The following TMIGD2 variants were observed in gnomAD, a reference collection of about 807,000 sequenced individuals.
The protein encoded by TMIGD2 is transmembrane and immunoglobulin domain containing 2, also known as transmembrane and immunoglobulin domain-containing protein 2.
In TMIGD2, 18 loss-of-function variants were observed where a neutral mutation model predicts 22.6. That is an observed-to-expected ratio of 0.80 (90% CI 0.55 to 1.18). TMIGD2 has a LOEUF of 1.18. Ranked by LOEUF, TMIGD2 falls within the 50% of genes most tolerant of loss-of-function variation. TMIGD2 has a pLI of 0.00. For synonymous variants in TMIGD2, 184 were observed against 154.1 expected, an observed-to-expected ratio of 1.19 and a Z score of -1.44; for missense variants, 361 against 378.2, an observed-to-expected ratio of 0.95 and a Z score of 0.38.
At chr19:4,292,915 C>G in intron 4 of TMIGD2, 30 bp from the exon 5 acceptor site, 1 of 1,611,660 alleles carries the variant, frequency 6.2e-7, no homozygotes, top group Non-Finnish European at 8.5e-7. Context: ...CCAAGAGGAT[C>G]ACTTAAGAGA....
intron 2 of TMIGD2, among the ~76,000 whole-genome samples, chr19:4,297,523 C>T (rs1424427634): frequency 8.5e-5 from 13 of 152,142 alleles, no homozygotes; most frequent in Admixed American, 2.0e-4. Flanking sequence ...GCATCAGCCA[C>T]TATGCCTGGC....
At chr19:4,296,682 T>C (rs1009447339) in intron 2 of TMIGD2, among the ~76,000 whole-genome samples, 3 of 149,708 alleles carry the variant, frequency 2.0e-5, no homozygotes, top group African/African-American at 4.9e-5. Context: ...AACACAGCCA[T>C]AACACACCCC....
exon 5 of TMIGD2, chr19:4,292,845 C>T (rs1411888116): frequency 1.2e-6 from 2 of 1,613,602 alleles, no homozygotes; most frequent in East Asian, 2.2e-5. Flanking sequence ...TCTTTGGGGC[C>T]CCCCGGGGCC....
chr19:4,297,862 A>C, intron 2 of TMIGD2, 124 bp downstream of exon 2: 1 of 1,288,366 alleles, frequency 7.8e-7, no homozygotes, highest in Admixed American at 2.7e-5. Flanking sequence ...GTCTCTTAAA[A>C]AAAAAAAAAA....
At chr19:4,292,926 G>A in intron 4 of TMIGD2, 41 bp from the exon 5 acceptor site, 1 of 1,606,720 alleles carries the variant, frequency 6.2e-7, no homozygotes, top group Non-Finnish European at 8.5e-7. Context: ...ACTTAAGAGA[G>A]TCCTGCCCTC....
exon 5 of TMIGD2, chr19:4,292,717 G>A (rs769444252): frequency 1.6e-5 from 25 of 1,607,010 alleles, no homozygotes; most frequent in African/African-American, 5.4e-5. Flanking sequence ...GCAGGGTCTC[G>A]GGCTGGGGCA....
intron 2 of TMIGD2, among the ~76,000 whole-genome samples, chr19:4,296,817 G>A (rs949563410): frequency 6.6e-6 from 1 of 152,188 alleles, no homozygotes; most frequent in African/African-American, 2.4e-5. Flanking sequence ...CAGAGGCCCG[G>A]GGCCCACAGG....
chr19:4,294,655 C>T, exon 4 of TMIGD2: 1 of 1,596,800 alleles, frequency 6.3e-7, no homozygotes, highest in Non-Finnish European at 8.5e-7. Flanking sequence ...CCATGCTTCC[C>T]ACCCCCAGCA....
At chr19:4,298,397 C>T in intron 1 of TMIGD2, 52 bp from the exon 2 acceptor site, 2 of 1,502,032 alleles carry the variant, frequency 1.3e-6, no homozygotes, top group Non-Finnish European at 1.8e-6. Context: ...GCATGTGAGG[C>T]TGTGTGACTC....
chr19:4,298,326 G>A (rs1403846319), exon 2 of TMIGD2: 1 of 1,582,878 alleles, frequency 6.3e-7, no homozygotes, highest in East Asian at 2.2e-5. Context: ...GCACGCTCAG[G>A]CTTGAGGCTT....
chr19:4,302,228 C>T (rs1201785944), intron 1 of TMIGD2, 112 bp downstream of exon 1: 1 of 1,181,838 alleles, frequency 8.5e-7, no homozygotes, highest in African/African-American at 1.6e-5. Flanking sequence ...GGAGATGGGC[C>T]TTATCTGACA....
chr19:4,294,452 C>A, intron 4 of TMIGD2, 127 bp downstream of exon 4: 1 of 870,234 alleles, frequency 1.1e-6, no homozygotes, highest in Admixed American at 2.1e-5. Flanking sequence ...ATATAGGAGC[C>A]AGGCTTCTCC....
At position 4,292,958 on chromosome 19, in the gene TMIGD2, CTG is replaced by C. The variant is rs1971402815; in HGVS notation, c.563-75_563-74del. 3 of 1,547,750 alleles carry C rather than the reference CTG, an allele frequency of 1.9e-6. No individual in the cohort carries two copies. In the South Asian group the frequency reaches 3.6e-5, roughly 18 times the overall value. On this transcript the variant is annotated intron_variant, in intron 4 of 4. Coordinates refer to ENST00000301272, the Ensembl canonical transcript of TMIGD2. ...CCTCTCCAGCTGACCTCTGGGGGAT[CTG>C]TCTCTTTTTTTTTTTTTCTGTGAGA...
chr19:4,293,292 C>G (rs1482507921), intron 4 of TMIGD2, among the ~76,000 whole-genome samples: 3 of 116,672 alleles, frequency 2.6e-5, no homozygotes, highest in African/African-American at 1.0e-4. Flanking sequence ...CAGTCTTACT[C>G]TGTCACCTGG....
chr19:4,294,881 C>T (rs1479682081), intron 2 of TMIGD2, 65 bp from the exon 3 acceptor site: 2 of 1,455,018 alleles, frequency 1.4e-6, no homozygotes, highest in Admixed American at 5.2e-5. Context: ...ACAGAGCTCA[C>T]TTGGGGGGAC....
At chr19:4,301,178 G>A (rs1196350787) in intron 1 of TMIGD2, among the ~76,000 whole-genome samples, 2 of 152,070 alleles carry the variant, frequency 1.3e-5, no homozygotes, top group Non-Finnish European at 2.9e-5. Context: ...TCACCAACAT[G>A]GCCAGGCTGG....
At chr19:4,299,549 C>T (rs1007370512) in intron 1 of TMIGD2, among the ~76,000 whole-genome samples, 1 of 151,156 alleles carries the variant, frequency 6.6e-6, no homozygotes. Context: ...GTTGCCCAGT[C>T]TGGAGCGCAG....
intron 1 of TMIGD2, among the ~76,000 whole-genome samples, chr19:4,299,221 G>A (rs1042974580): frequency 6.1e-5 from 9 of 148,070 alleles, no homozygotes; most frequent in African/African-American, 1.5e-4. Context: ...CACAGCTCAC[G>A]GCAGCCCTGA....
chr19:4,298,856 T>G (rs945136023), intron 1 of TMIGD2, among the ~76,000 whole-genome samples: 2 of 152,120 alleles, frequency 1.3e-5, no homozygotes, highest in African/African-American at 2.4e-5. Flanking sequence ...GCTCAGAGCT[T>G]GTGGAATTCT....
Sources: gnomAD v4.1 joint callset for allele counts (sites outside exome capture counted in the v4.1 genomes callset) on GRCh38, gnomAD v4.1.1 for gene constraint, MANE v1.5 for transcripts, NCBI Gene and HGNC (gene_info 2026-07-23, HGNC 2026-07-21) for gene names.